The following PLCE1 variants were observed in gnomAD, a reference collection of about 807,000 sequenced individuals.
PLCE1 encodes 1-phosphatidylinositol 4,5-bisphosphate phosphodiesterase epsilon-1.
PLCE1 carries 119 observed loss-of-function variants against 242.8 expected under a neutral mutation model. That is an observed-to-expected ratio of 0.49 (90% CI 0.42 to 0.57). The LOEUF is 0.57. PLCE1 is among the 20% of genes least tolerant of loss of function. PLCE1 has a pLI of 0.00. For missense variants in PLCE1, 2,441 were observed against 2,788.8 expected, an observed-to-expected ratio of 0.88 and a Z score of 2.81; for synonymous variants, 945 against 1,017.4, an observed-to-expected ratio of 0.93 and a Z score of 1.35.
intron 2 of PLCE1, among the ~76,000 whole-genome samples, chr10:94,042,574 G>A (rs2061789797): frequency 6.6e-6 from 1 of 152,182 alleles, no homozygotes; most frequent in Admixed American, 6.5e-5. Flanking sequence ...TGCAAATGTT[G>A]AGCTGGATGA....
chr10:94,089,541 T>G (rs1013492078), intron 2 of PLCE1, among the ~76,000 whole-genome samples: 2 of 152,254 alleles, frequency 1.3e-5, no homozygotes, highest in Non-Finnish European at 2.9e-5. Context: ...TAAGAAAGTT[T>G]CTAAAATGTT....
chr10:94,245,995 T>C lies in PLCE1; in HGVS notation c.2470T>C (p.Ser824Pro). 1 of 1,613,974 alleles carries C rather than the reference T, an allele frequency of 6.2e-7. No homozygotes were observed. The highest frequency in any genetic ancestry group is 1.1e-5 in the South Asian group (1 of 91,060). The change falls in exon 8 of 33, where the codon TCC (serine) becomes CCC (proline). Residue 824 changes from serine to proline, a missense_variant. By Grantham distance (74) the Ser-to-Pro change is moderately conservative. Coordinates refer to ENST00000371380, the MANE Select transcript of PLCE1 (RefSeq NM_016341.4). ...LDSDNDIFEQSKEYDSHGSED... is the reference protein window; with the variant it reads ...LDSDNDIFEQPKEYDSHGSED... ...TTCAGACAATGACATCTTTGAGCAA[T>C]CCAAAGAATACGACTCTCATGGTTC...
At chr10:94,044,990 A>T (rs1292526607) in intron 2 of PLCE1, among the ~76,000 whole-genome samples, 1 of 152,046 alleles carries the variant, frequency 6.6e-6, no homozygotes, top group Non-Finnish European at 1.5e-5. Flanking sequence ...CATCTTTTTT[A>T]AAAATTTTTT....
intron 2 of PLCE1, among the ~76,000 whole-genome samples, chr10:94,131,126 G>A (rs969165632): frequency 6.6e-6 from 1 of 152,174 alleles, no homozygotes; most frequent in African/African-American, 2.4e-5. Flanking sequence ...GGTGCTCAAG[G>A]TGACATGATA....
chr10:94,200,355 A>G (rs554488365), intron 4 of PLCE1, among the ~76,000 whole-genome samples: 1 of 152,336 alleles, frequency 6.6e-6, no homozygotes, highest in Non-Finnish European at 1.5e-5. Flanking sequence ...AGGTGCTTCA[A>G]CGGAAACACA....
chr10:94,234,718 T>C (rs1322854979), intron 6 of PLCE1, among the ~76,000 whole-genome samples: 1 of 152,118 alleles, frequency 6.6e-6, no homozygotes, highest in African/African-American at 2.4e-5. Flanking sequence ...TTTCTGTTCA[T>C]CCTTTGTGGG....
rs2052907015 is a variant in PLCE1 at position 94,298,094 on chromosome 10, AGGCTGGTCTTGAACTTCTG to A, written c.5168-280_5168-262del. On this transcript the variant is annotated intron_variant, in intron 23 of 32. Coordinates refer to ENST00000371380, the MANE Select transcript of PLCE1 (RefSeq NM_016341.4). This position sits in a 1 kb window ranked among gnomAD's most constrained non-coding sequence, Gnocchi z 5.2. ...GAGATGGGCTCTCACCATGTTGCCC[AGGCTGGTCTTGAACTTCTG>A]GGCTCAAGCAATCCTCCCACCCTGA... Among the ~76,000 whole-genome samples the A allele has an allele frequency of 6.6e-6, 1 of 152,102 alleles. No homozygotes were observed. The highest frequency in any genetic ancestry group is 1.5e-5 in the Non-Finnish European group (1 of 68,028).
chr10:94,055,408 C>T (rs188838454), intron 2 of PLCE1, among the ~76,000 whole-genome samples: 14 of 151,860 alleles, frequency 9.2e-5, no homozygotes, highest in Non-Finnish European at 1.8e-4. Flanking sequence ...CCCCACCCCC[C>T]GGGTTCAAGT....
intron 1 of PLCE1, among the ~76,000 whole-genome samples, chr10:93,996,849 T>G (rs994061010): frequency 6.6e-6 from 1 of 152,248 alleles, no homozygotes; most frequent in Non-Finnish European, 1.5e-5. Flanking sequence ...GATAGCTACA[T>G]GCAGCTAGTG....
intron 3 of PLCE1, 89 bp from the exon 4 acceptor site, chr10:94,171,091 A>T (rs2047959290): frequency 9.0e-7 from 1 of 1,105,006 alleles, no homozygotes; most frequent in Non-Finnish European, 1.4e-6. Context: ...GTTAAAGAAC[A>T]TACAAGATTT....
At chr10:94,063,589 T>C (rs1184649215) in intron 2 of PLCE1, among the ~76,000 whole-genome samples, 2 of 152,236 alleles carry the variant, frequency 1.3e-5, no homozygotes, top group East Asian at 3.8e-4. Flanking sequence ...ATTTATTGAT[T>C]CACTGAATAG....
intron 11 of PLCE1, 80 bp from the exon 12 acceptor site, chr10:94,258,720 C>T (rs2051188766): frequency 6.4e-7 from 1 of 1,563,528 alleles, no homozygotes; most frequent in Non-Finnish European, 8.8e-7. Context: ...GCTCATATTG[C>T]TAATTGGAGC....
intron 7 of PLCE1, among the ~76,000 whole-genome samples, chr10:94,239,364 G>A (rs745977733): frequency 6.6e-6 from 1 of 152,188 alleles, no homozygotes; most frequent in Non-Finnish European, 1.5e-5. Flanking sequence ...TAAGTGTGTG[G>A]TTGTTCCTCC....
At chr10:94,233,081 AAG>A (rs1363358494) in intron 5 of PLCE1, among the ~76,000 whole-genome samples, 4 of 152,194 alleles carry the variant, frequency 2.6e-5, no homozygotes, top group Admixed American at 6.5e-5. Context: ...CATGGGCTGA[AAG>A]AGAGTGGGAG....
chr10:94,108,120 G>A (rs1418684925), intron 2 of PLCE1, among the ~76,000 whole-genome samples: 1 of 152,146 alleles, frequency 6.6e-6, no homozygotes, highest in East Asian at 1.9e-4. Context: ...GACTTGGTGA[G>A]GTGAGAGAAG....
chr10:94,066,714 T>A (rs2044206732), intron 2 of PLCE1, among the ~76,000 whole-genome samples: 1 of 152,202 alleles, frequency 6.6e-6, no homozygotes. Flanking sequence ...CCGACTGGGA[T>A]CAATCTAATA....
chr10:94,298,545 G>C lies in PLCE1; in HGVS notation c.5334G>C (p.Gln1778His), dbSNP rs773347686. ...GCAGGTATTCTCAGAAACTGACCCA[G>C]CACACCGCCTGTCAGCTGCTGAGAA... ...LCRRYSQKLTQHTACQLLRTY... is the reference protein window; with the variant it reads ...LCRRYSQKLTHHTACQLLRTY... Residue 1778 changes from glutamine (Q) to histidine (H), a missense_variant, in exon 24 of 33, where the codon CAG (glutamine) becomes CAC (histidine). Transcript: ENST00000371380. The surrounding 1 kb of genome is among the most constrained non-coding windows in gnomAD (Gnocchi z 5.2). 2 of 1,614,018 alleles carry C rather than the reference G, an allele frequency of 1.2e-6. No individual in the cohort carries two copies. The highest frequency in any genetic ancestry group is 1.7e-6 in the Non-Finnish European group (2 of 1,179,980).
intron 3 of PLCE1, among the ~76,000 whole-genome samples, chr10:94,133,034 A>C (rs2046656155): frequency 6.6e-6 from 1 of 151,976 alleles, no homozygotes; most frequent in South Asian, 2.1e-4. Flanking sequence ...TTTTTTTTAA[A>C]TGATTCAGGC....
intron 2 of PLCE1, among the ~76,000 whole-genome samples, chr10:94,090,443 A>G (rs902849681): frequency 2.6e-5 from 4 of 152,216 alleles, no homozygotes; most frequent in African/African-American, 9.6e-5. Context: ...TCAGAAAAAT[A>G]ACATGAGAAA....
Sources: allele counts gnomAD v4.1 joint callset (sites outside exome capture counted in the v4.1 genomes callset), GRCh38; gene constraint gnomAD v4.1.1; non-coding constraint Gnocchi (gnomAD v3.1); transcripts MANE v1.5; gene names NCBI Gene and HGNC (gene_info 2026-07-23, HGNC 2026-07-21).